The following GALNT7 variants were observed in gnomAD, a reference collection of about 807,000 sequenced individuals.
GALNT7 encodes the protein polypeptide N-acetylgalactosaminyltransferase 7, also known as N-acetylgalactosaminyltransferase 7.
GALNT7 carries 60 observed loss-of-function variants against 82.1 expected under a neutral mutation model. That is an observed-to-expected ratio of 0.73 (90% CI 0.59 to 0.91). The LOEUF is 0.91. Among genes scored for constraint, GALNT7 ranks in the 40% least tolerant of loss-of-function variants. The probability of loss-of-function intolerance (pLI) is 0.00; values close to 1 mark genes in which losing one functional copy is unlikely to be tolerated. For missense variants in GALNT7, 660 were observed against 804.2 expected (o/e 0.82, Z 2.17); for synonymous variants, 243 against 275.1 (o/e 0.88, Z 1.15).
chr4:173,295,608 T>G (rs1045942419), intron 4 of GALNT7, 82 bp downstream of exon 4: 7 of 1,402,946 alleles, frequency 5.0e-6, no homozygotes, highest in Non-Finnish European at 7.0e-6. Context: ...TTCTTCAGTT[T>G]TTTTAATTGA....
chr4:173,303,366 C>G (rs1737028748), intron 7 of GALNT7, among the ~76,000 whole-genome samples: 1 of 152,014 alleles, frequency 6.6e-6, no homozygotes, highest in African/African-American at 2.4e-5. Flanking sequence ...CAGAGAACAG[C>G]AAGGAGCAAA....
intron 1 of GALNT7, among the ~76,000 whole-genome samples, chr4:173,180,201 G>A (rs1041677233): frequency 6.6e-6 from 1 of 151,094 alleles, no homozygotes; most frequent in South Asian, 2.1e-4. Context: ...GTCTAATTAC[G>A]TTAAGTCAAT....
At chr4:173,234,507 A>G (rs1160560790) in intron 1 of GALNT7, among the ~76,000 whole-genome samples, 2 of 152,170 alleles carry the variant, frequency 1.3e-5, no homozygotes, top group Non-Finnish European at 2.9e-5. Flanking sequence ...CCAGTTGTAT[A>G]AGTTACAAAT....
chr4:173,286,756 G>A (rs564355436), intron 2 of GALNT7, among the ~76,000 whole-genome samples: 59 of 152,236 alleles, frequency 3.9e-4, no homozygotes, highest in Non-Finnish European at 2.6e-4. Context: ...GCTATTTCAC[G>A]GTATCCAGGT....
At chr4:173,278,635 C>T (rs1219417690) in intron 2 of GALNT7, among the ~76,000 whole-genome samples, 1 of 152,092 alleles carries the variant, frequency 6.6e-6, no homozygotes, top group East Asian at 1.9e-4. Context: ...AAACATTGGA[C>T]TTAACAGTAA....
At chr4:173,241,230 G>GA (rs1448327749) in intron 1 of GALNT7, among the ~76,000 whole-genome samples, 1 of 147,650 alleles carries the variant, frequency 6.8e-6, no homozygotes, top group Non-Finnish European at 1.5e-5. Flanking sequence ...AAAAAAGAAA[G>GA]AAAGAAAAGA....
At chr4:173,294,232 A>T (rs1736638176) in intron 3 of GALNT7, among the ~76,000 whole-genome samples, 1 of 152,188 alleles carries the variant, frequency 6.6e-6, no homozygotes, top group Non-Finnish European at 1.5e-5. Flanking sequence ...CTTTAAAAAA[A>T]TAATTTAGGA....
intron 1 of GALNT7, among the ~76,000 whole-genome samples, chr4:173,197,343 G>T (rs997003958): frequency 6.6e-6 from 1 of 151,874 alleles, no homozygotes; most frequent in African/African-American, 2.4e-5. Flanking sequence ...AAAGAGTAAA[G>T]AAATTTCATG....
Position 173,292,338 on chromosome 4 carries a change from G to A in GALNT7, c.754+64G>A. On this transcript the variant is annotated intron_variant, in intron 3 of 11. Transcript: ENST00000265000. The surrounding 1 kb of genome is among the most constrained non-coding windows in gnomAD (Gnocchi z 4.8). The stretch of plus-strand genomic sequence containing the variant: ...GTTAAGCATGAATAATTGCAAAAAG[G>A]TGATTTCAAAATAATTAGCTTTAAA... 1.9e-6 allele frequency: 2 copies of A among 1,027,430 alleles called. No homozygotes were observed. Among genetic ancestry groups the A allele is most frequent in the South Asian group, 3.2e-5 (2 of 62,198 alleles). The allele number at this position is 1,027,430 out of a possible 1,614,324, so 63.6% of individuals were successfully genotyped here. A position where few individuals can be genotyped will look rare whatever the true frequency, so the allele number is the denominator to read the frequency against.
At position 173,317,694 on chromosome 4, in the gene GALNT7, G is replaced by T; in HGVS notation, c.1669G>T (p.Val557Phe). 1 of 1,612,940 alleles carries T rather than the reference G, an allele frequency of 6.2e-7. No individual in the cohort carries two copies. Among genetic ancestry groups the T allele is most frequent in the Non-Finnish European group, 8.5e-7 (1 of 1,178,990 alleles). Residue 557 changes from valine to phenylalanine, a missense_variant, in exon 10 of 12, where the codon GTT becomes TTT. By Grantham distance (50) the Val-to-Phe change is conservative. This residue lies in a region of GALNT7 where 527 missense variants were observed against 683.5 expected (regional missense o/e 0.77). Coordinates refer to ENST00000265000, the MANE Select transcript of GALNT7 (RefSeq NM_017423.3). ...DSMGKTNGGF[V>F]ELGPCHRMGG... ...CATGGGAAAAACAAATGGAGGCTTT[G>T]TTGAACTAGGACCCTGCCACAGGAT...
Position 173,212,433 on chromosome 4 carries a change from G to A in GALNT7, c.127-35547G>A, listed in dbSNP as rs142604566. On this transcript the variant is annotated intron_variant, in intron 1 of 11. Transcript: ENST00000265000. ...TTTAAAGGTCCAAAACGTTTAAACA[G>A]GTTATTTAGCAGTAATCAGGATGGT... Among the ~76,000 whole-genome samples, 208 of 152,244 alleles carry A rather than the reference G, an allele frequency of 1.4e-3. 1 individual carries two copies. The highest frequency in any genetic ancestry group is 2.5e-3 in the Non-Finnish European group (173 of 67,994).
intron 1 of GALNT7, among the ~76,000 whole-genome samples, chr4:173,242,683 G>T (rs1282129776): frequency 2.6e-5 from 4 of 152,208 alleles, no homozygotes; most frequent in Non-Finnish European, 5.9e-5. Flanking sequence ...TAACTAAGCA[G>T]AGAGAAAGAA....
intron 7 of GALNT7, among the ~76,000 whole-genome samples, chr4:173,303,692 A>G (rs1461023542): frequency 6.6e-6 from 1 of 152,242 alleles, no homozygotes; most frequent in Non-Finnish European, 1.5e-5. Context: ...ATGATTAATG[A>G]GTTAGGAATA....
At chr4:173,234,064 G>A (rs569704297) in intron 1 of GALNT7, among the ~76,000 whole-genome samples, 2 of 152,256 alleles carry the variant, frequency 1.3e-5, no homozygotes, top group East Asian at 1.9e-4. Flanking sequence ...TCAACTTCAC[G>A]TTACCAAATG....
chr4:173,247,575 T>C (rs568150529), intron 1 of GALNT7, among the ~76,000 whole-genome samples: 1 of 152,204 alleles, frequency 6.6e-6, no homozygotes, highest in East Asian at 1.9e-4. Context: ...CAAAAGGTTA[T>C]ATTTATCACA....
chr4:173,195,014 G>A (rs1164855738), intron 1 of GALNT7, among the ~76,000 whole-genome samples: 2 of 152,122 alleles, frequency 1.3e-5, no homozygotes, highest in Non-Finnish European at 2.9e-5. Flanking sequence ...AGTGACATAT[G>A]TTAATTTTCA....
rs565678551 is a variant in GALNT7, at chr4:173,215,570, G to T, written c.127-32410G>T. Reference sequence around the variant, plus strand: ...AATGCACCCAAGTCCTGGGGAACCCGACTGGGGATCAGAGCTGTGAGCTGG... The same window carrying T: ...AATGCACCCAAGTCCTGGGGAACCCTACTGGGGATCAGAGCTGTGAGCTGG... On this transcript the variant is annotated intron_variant, in intron 1 of 11. Coordinates refer to ENST00000265000, the MANE Select transcript of GALNT7 (RefSeq NM_017423.3). 8.1e-4 allele frequency among the ~76,000 whole-genome samples: 124 copies of T among 152,160 alleles called. 2 individuals are homozygous for T. The South Asian group carries it at 0.025, about 31-fold the overall frequency.
chr4:173,204,259 C>T (rs1733025471), intron 1 of GALNT7, among the ~76,000 whole-genome samples: 1 of 152,050 alleles, frequency 6.6e-6, no homozygotes, highest in South Asian at 2.1e-4. Context: ...TTTCATGATC[C>T]TCTTTTTGTC....
intron 2 of GALNT7, among the ~76,000 whole-genome samples, chr4:173,280,121 C>T (rs1736060270): frequency 6.6e-6 from 1 of 152,158 alleles, no homozygotes; most frequent in African/African-American, 2.4e-5. Flanking sequence ...TCTTGAGACT[C>T]CTAGTGAATG....
Sources: allele counts gnomAD v4.1 joint callset (sites outside exome capture counted in the v4.1 genomes callset), GRCh38; gene constraint gnomAD v4.1.1; regional missense constraint gnomAD v4.1.1; non-coding constraint Gnocchi (gnomAD v3.1); transcripts MANE v1.5; gene names NCBI Gene and HGNC (gene_info 2026-07-23, HGNC 2026-07-21).